SIRT3: variants seen among roughly 807,000 people sequenced by gnomAD.
The protein encoded by SIRT3 is sirtuin 3, also known as NAD-dependent protein deacetylase sirtuin-3, mitochondrial.
In SIRT3, 26 loss-of-function variants were observed where a neutral mutation model predicts 33.5. The observed-to-expected ratio is 0.78, with a 90% CI of 0.57 to 1.08. The LOEUF (loss-of-function observed/expected upper bound fraction) is 1.08. SIRT3 is among the 50% of genes least tolerant of loss of function. The pLI is 0.00. For missense variants in SIRT3, 585 were observed against 530.1 expected (o/e 1.10, Z -1.02); for synonymous variants, 237 against 222.1 (o/e 1.07, Z -0.60).
intron 4 of SIRT3, among the ~76,000 whole-genome samples, chr11:226,745 A>AT: frequency 1.0e-5 from 1 of 98,004 alleles, no homozygotes; most frequent in Non-Finnish European, 1.9e-5. Context: ...AAGGCCTACA[A>AT]TTATTATTAT....
Position 223,921 on chromosome 11 carries a change from C to A in SIRT3, c.969+157G>T. ...CCCTCCAGCCTCCTCCCTGCACAGG[C>A]CTGCCGACAGCCCATGAGGTGACTC... On this transcript the variant is annotated intron_variant, in intron 5 of 6. Coordinates refer to ENST00000382743, the MANE Select transcript of SIRT3 (RefSeq NM_012239.6). This position sits in a 1 kb window ranked among gnomAD's most constrained non-coding sequence, Gnocchi z 4.8. The A allele has an allele frequency of 2.5e-6, 1 of 393,774 alleles. No homozygotes were observed. The highest frequency in any genetic ancestry group is 2.1e-5 in the South Asian group (1 of 47,480). 24.4% of individuals were successfully genotyped at this position (393,774 alleles called of 1,614,324 possible).
intron 3 of SIRT3, among the ~76,000 whole-genome samples, chr11:231,052 G>T (rs1292068422): frequency 6.6e-6 from 1 of 151,774 alleles, no homozygotes; most frequent in Non-Finnish European, 1.5e-5. Context: ...TTGAACCCGG[G>T]AGGTGGAAGT....
intron 3 of SIRT3, 138 bp downstream of exon 3, chr11:232,845 C>T (rs1290026245): frequency 6.8e-6 from 5 of 736,170 alleles, no homozygotes; most frequent in South Asian, 5.5e-5. Context: ...GAAGCATAAG[C>T]GATAGGTTTT....
At chr11:228,910 C>A (rs58643462) in intron 4 of SIRT3, among the ~76,000 whole-genome samples, 8,259 of 152,224 alleles carry the variant, frequency 0.054, 739 homozygotes, top group African/African-American at 0.19. Flanking sequence ...TTAAACAATG[C>A]GCAAAGGACT....
upstream of SIRT3, chr11:236,357 A>G (rs202236224): frequency 5.7e-5 from 67 of 1,173,912 alleles, no homozygotes; most frequent in Non-Finnish European, 6.3e-5. Flanking sequence ...AGTCCTCCGG[A>G]CTCGCCCCGC....
chr11:215,095 G>A lies in SIRT3; in HGVS notation c.*1603C>T, dbSNP rs529523639. On this transcript the variant is annotated 3_prime_UTR_variant, in exon 7 of 7. Coordinates refer to ENST00000382743, the MANE Select transcript of SIRT3 (RefSeq NM_012239.6). ...CACAGAAACATCATCTTGAAATAAA[G>A]AAGAGTTTTGGACAAAAATGTATGT... 6.5e-6 allele frequency: 1 copy of A among 154,512 alleles called. No homozygotes were observed. Among genetic ancestry groups the A allele is most frequent in the South Asian group, 2.0e-4 (1 of 4,994 alleles). 9.6% of individuals were successfully genotyped at this position (154,512 alleles called of 1,614,324 possible).
intron 4 of SIRT3, among the ~76,000 whole-genome samples, chr11:224,636 T>C (rs1376128386): frequency 6.6e-6 from 1 of 152,174 alleles, no homozygotes; most frequent in Non-Finnish European, 1.5e-5. Flanking sequence ...CACCGAACAC[T>C]ATTCAGTCAG....
At chr11:218,393 T>C (rs944798290) in intron 6 of SIRT3, among the ~76,000 whole-genome samples, 6 of 152,240 alleles carry the variant, frequency 3.9e-5, no homozygotes, top group Admixed American at 3.3e-4. Flanking sequence ...AATTGATCAA[T>C]GGCTCTCATA....
intron 4 of SIRT3, among the ~76,000 whole-genome samples, chr11:229,718 C>T (rs985178190): frequency 6.6e-6 from 1 of 151,976 alleles, no homozygotes; most frequent in Non-Finnish European, 1.5e-5. Flanking sequence ...GAAATCGCGC[C>T]ATTGCACTCC....
rs59384450 is a variant in SIRT3 at position 225,413 on chromosome 11, A to AAAAAC, written c.808-1179_808-1175dup. Among the ~76,000 whole-genome samples, 889 of 151,952 alleles carry AAAAAC rather than the reference A, an allele frequency of 5.9e-3. 5 individuals are homozygous for AAAAAC. The highest frequency in any genetic ancestry group is 0.02 in the African/African-American group (828 of 41,498). Reference sequence around the variant, plus strand: ...GGCAACAAAGCGAGACTCTGTCTCAAAAAACAAAACAAAACAAAACAAAAC... The same window carrying AAAAAC: ...GGCAACAAAGCGAGACTCTGTCTCAAAAAACAAAACAAAACAAAACAAAACAAAAC... On this transcript the variant is annotated intron_variant, in intron 4 of 6. Transcript: ENST00000382743.
intron 3 of SIRT3, among the ~76,000 whole-genome samples, chr11:231,873 T>C (rs202077885): frequency 2.8e-5 from 1 of 35,514 alleles, no homozygotes; most frequent in Non-Finnish European, 5.3e-5. Flanking sequence ...TCCGGGAGCC[T>C]GGCTCCCGGA....
At chr11:233,720 AATC>A in intron 1 of SIRT3, 186 bp from the exon 2 acceptor site, 1 of 611,500 alleles carries the variant, frequency 1.6e-6, no homozygotes, top group Non-Finnish European at 2.8e-6. Flanking sequence ...AGCAGTCATA[AATC>A]AGAAATCAAG....
At chr11:221,914 A>G (rs184348895) in intron 5 of SIRT3, among the ~76,000 whole-genome samples, 75 of 151,940 alleles carry the variant, frequency 4.9e-4, no homozygotes, top group East Asian at 2.9e-3. Flanking sequence ...GAAAGCTGAG[A>G]GGACACAGAA....
intron 4 of SIRT3, among the ~76,000 whole-genome samples, chr11:228,135 T>C (rs1260310196): frequency 2.0e-5 from 3 of 152,108 alleles, no homozygotes; most frequent in African/African-American, 7.2e-5. Flanking sequence ...TACAGCTGAG[T>C]CAGTGTAGTG....
At chr11:229,621 T>C (rs1857636158) in intron 4 of SIRT3, among the ~76,000 whole-genome samples, 2 of 151,922 alleles carry the variant, frequency 1.3e-5, no homozygotes, top group South Asian at 4.1e-4. Flanking sequence ...TAGCTGGGCA[T>C]GGTGGCAGGC....
chr11:226,822 C>T (rs1006632813), intron 4 of SIRT3, among the ~76,000 whole-genome samples: 2 of 149,810 alleles, frequency 1.3e-5, no homozygotes, highest in Non-Finnish European at 3.0e-5. Context: ...GGCCTAATCT[C>T]AGCTCACCGC....
chr11:230,592 G>T lies in SIRT3; in HGVS notation c.707-40C>A, dbSNP rs200665318. On this transcript the variant is annotated intron_variant, in intron 3 of 6. Transcript: ENST00000382743. ...AAAGCGAAGTGTTGCTGCCGCCTCCGAGATGAGCACGCAAGGCCAAGAGCA... is the reference window on the plus strand; with the variant it reads ...AAAGCGAAGTGTTGCTGCCGCCTCCTAGATGAGCACGCAAGGCCAAGAGCA... 6 of 1,401,202 alleles carry T rather than the reference G, an allele frequency of 4.3e-6. No homozygotes were observed. The African/African-American group carries it at 7.4e-5, about 17-fold the overall frequency. The allele number at this position is 1,401,202 out of a possible 1,614,324, so 86.8% of individuals were successfully genotyped here.
At chr11:230,400 G>C (rs1857773696) in intron 4 of SIRT3, 52 bp downstream of exon 4, 3 of 1,104,314 alleles carry the variant, frequency 2.7e-6, no homozygotes, top group South Asian at 5.0e-5. Context: ...CACTTTTCCA[G>C]ATCACCCCAA....
At chr11:219,452 C>G (rs6598073) in intron 5 of SIRT3, among the ~76,000 whole-genome samples, 139,308 of 152,136 alleles carry the variant, frequency 0.92, 63,967 homozygotes, top group East Asian at 1. Context: ...CCTGCTTGCT[C>G]TGACAGCCAC....
Sources: gnomAD v4.1 joint callset for allele counts (sites outside exome capture counted in the v4.1 genomes callset) on GRCh38, gnomAD v4.1.1 for gene constraint, Gnocchi (gnomAD v3.1) non-coding constraint, MANE v1.5 for transcripts, NCBI Gene and HGNC (gene_info 2026-07-23, HGNC 2026-07-21) for gene names.